The following RNF17 variants were observed in gnomAD, a reference collection of about 807,000 sequenced individuals.
RNF17 encodes ring finger protein 17.
RNF17 carries 31 observed loss-of-function variants against 200.5 expected under a neutral mutation model. The ratio of observed to expected loss-of-function variants is 0.15; its 90% CI spans 0.12 to 0.21. The LOEUF (loss-of-function observed/expected upper bound fraction) is 0.21. RNF17 is among the 10% of genes least tolerant of loss of function. The probability of loss-of-function intolerance (pLI) is 1.00; values close to 1 mark genes in which losing one functional copy is unlikely to be tolerated. For synonymous variants in RNF17, 606 were observed against 637.8 expected, an observed-to-expected ratio of 0.95 and a Z score of 0.75; for missense variants, 1,628 against 1,905.1, an observed-to-expected ratio of 0.85 and a Z score of 2.71.
At chr13:24,845,323 C>T (rs1358976087) in intron 22 of RNF17, among the ~76,000 whole-genome samples, 1 of 152,046 alleles carries the variant, frequency 6.6e-6, no homozygotes, top group East Asian at 1.9e-4. Context: ...CTTTGAGGAA[C>T]AACAAACACA....
At chr13:24,820,315 T>TTTCA (rs1282914530) in intron 15 of RNF17, among the ~76,000 whole-genome samples, 1 of 152,032 alleles carries the variant, frequency 6.6e-6, no homozygotes, top group East Asian at 1.9e-4. Context: ...AGAGATGGGG[T>TTTCA]TTCACCATGT....
At chr13:24,818,732 G>A (rs1285826243) in intron 15 of RNF17, among the ~76,000 whole-genome samples, 2 of 152,056 alleles carry the variant, frequency 1.3e-5, no homozygotes, top group Non-Finnish European at 2.9e-5. Context: ...TTTGCATGGA[G>A]TATTTTCTTC....
intron 33 of RNF17, among the ~76,000 whole-genome samples, chr13:24,875,050 A>G (rs1290108233): frequency 1.3e-5 from 2 of 152,220 alleles, no homozygotes; most frequent in Non-Finnish European, 2.9e-5. Flanking sequence ...TATTCCTTAT[A>G]TATATGAGGG....
chr13:24,767,184 A>G lies in RNF17; in HGVS notation c.131-88A>G, dbSNP rs1879819070. ...GTGGAGGCTGCAGTGAGCTGGTGCC[A>G]CTACACTCCAGCTTGGGCAACAGAG... On this transcript the variant is annotated intron_variant, in intron 1 of 35. Transcript: ENST00000255324. 9 of 845,336 alleles carry G rather than the reference A, an allele frequency of 1.1e-5. No homozygotes were observed. The South Asian group carries it at 1.1e-4, about 11-fold the overall frequency. 52.4% of individuals were successfully genotyped at this position (845,336 alleles called of 1,614,324 possible).
Position 24,787,898 on chromosome 13 carries a change from A to G in RNF17, c.612-90A>G, listed in dbSNP as rs896156694. The stretch of plus-strand genomic sequence containing the variant: ...CCATATTATGTAAAATTCATCAACT[A>G]CTGAACTTACTCTTCAAGATACTAT... On this transcript the variant is annotated intron_variant, in intron 6 of 35. Transcript: ENST00000255324. The G allele has an allele frequency of 4.7e-5, 46 of 985,572 alleles. No homozygotes were observed. In the East Asian group the frequency reaches 1.1e-3, roughly 23 times the overall value. 61.1% of individuals were successfully genotyped at this position (985,572 alleles called of 1,614,324 possible).
the RNF17 span, chr13:24,885,505 A>ACT: frequency 2.7e-4 from 323 of 1,182,280 alleles, 2 homozygotes; most frequent in East Asian, 7.2e-3. Context: ...TTAAGTAAAA[A>ACT]CTCTTTTTTA....
At chr13:24,784,987 G>A (rs769750268) in intron 6 of RNF17, among the ~76,000 whole-genome samples, 4 of 152,174 alleles carry the variant, frequency 2.6e-5, no homozygotes, top group Admixed American at 1.3e-4. Flanking sequence ...GATTACAGGT[G>A]TGAGCCATCA....
In RNF17 at chr13:24,772,606, C is replaced by T. The variant is rs537471476; in HGVS notation, c.226-2207C>T. On this transcript the variant is annotated intron_variant, in intron 2 of 35. Transcript: ENST00000255324. ...AGTGGGCAAAGGACATGAACAGACA[C>T]TTCTTTTTTTTTTTTTCTTTTGAGA... is the stretch of plus-strand genomic sequence containing the variant. Among the ~76,000 whole-genome samples the T allele has an allele frequency of 2.5e-3, 379 of 151,372 alleles. 7 individuals carry two copies. Among genetic ancestry groups the T allele is most frequent in the African/African-American group, 8.8e-3 (365 of 41,300 alleles).
At chr13:24,773,427 T>C (rs1218330172) in intron 2 of RNF17, among the ~76,000 whole-genome samples, 1 of 152,204 alleles carries the variant, frequency 6.6e-6, no homozygotes, top group African/African-American at 2.4e-5. Flanking sequence ...CTGAAGGCCA[T>C]TATCCTAAGC....
At chr13:24,885,531 C>T in the RNF17 span, 43 of 1,278,730 alleles carry the variant, frequency 3.4e-5, no homozygotes, top group African/African-American at 3.2e-4. Flanking sequence ...GGTTTAGAAA[C>T]GTTAAGTCTA....
In RNF17 at chr13:24,825,685, G is replaced by A; in HGVS notation, c.2158G>A (p.Glu720Lys). ...IEEFYKSEDG[E>K]NLEILCPVQD... The stretch of plus-strand genomic sequence containing the variant: ...GGAATTCTATAAAAGTGAAGATGGA[G>A]AAAATCTGGAAATCCTCTGTCCAGT... The change falls in exon 16 of 36, where the codon GAA (glutamate) becomes AAA (lysine). Residue 720 changes from glutamate to lysine, a missense_variant. Glu to Lys is a moderately conservative substitution (Grantham distance 56, BLOSUM62 1). Coordinates refer to ENST00000255324, the MANE Select transcript of RNF17 (RefSeq NM_031277.3). The A allele has an allele frequency of 6.2e-7, 1 of 1,611,818 alleles. No homozygotes were observed. The highest frequency in any genetic ancestry group is 8.5e-7 in the Non-Finnish European group (1 of 1,178,028).
intron 15 of RNF17, among the ~76,000 whole-genome samples, chr13:24,818,119 T>A (rs1264709181): frequency 2.6e-5 from 4 of 152,064 alleles, no homozygotes; most frequent in African/African-American, 7.2e-5. Flanking sequence ...TTTTCTAATT[T>A]CTCTTAGGAT....
Position 24,802,403 on chromosome 13 carries a change from C to T in RNF17, c.1781C>T (p.Ala594Val). Residue 594 changes from alanine (A) to valine (V), a missense_variant, in exon 14 of 36, where the codon GCT (alanine) becomes GTT (valine). This residue lies in a region of RNF17 where 289 missense variants were observed against 384.9 expected (regional missense o/e 0.75). Transcript: ENST00000255324. Reference protein sequence around the residue: ...QNSNEGWEEEAKVEFLKMVNN... With the variant: ...QNSNEGWEEEVKVEFLKMVNN... The stretch of plus-strand genomic sequence containing the variant: ...CAGAATGAAGGCTGGGAAGAGGAAG[C>T]TAAAGTGGAATTTTTGAAAATGGTA... The T allele has an allele frequency of 6.2e-7, 1 of 1,612,600 alleles. No individual in the cohort carries two copies. Among genetic ancestry groups the T allele is most frequent in the East Asian group, 2.2e-5 (1 of 44,850 alleles).
Position 24,844,773 on chromosome 13 carries a change from A to G in RNF17, c.2953A>G (p.Ile985Val). The G allele has an allele frequency of 1.9e-6, 3 of 1,613,926 alleles. No individual in the cohort carries two copies. The highest frequency in any genetic ancestry group is 1.7e-5 in the Admixed American group (1 of 60,000). Residue 985 changes from isoleucine (I) to valine (V), a missense_variant, in exon 21 of 36, where the codon ATC becomes GTC. Around this residue, in one of 5 missense-constraint regions of RNF17, gnomAD observed 227 missense variants for 319.8 expected, o/e 0.71. Transcript: ENST00000255324. The stretch of plus-strand genomic sequence containing the variant: ...AAATCAGTGGCGAAGAGGCCAGATC[A>G]TCAGAATGGTTACAGACACATTGGT... ...DKNQWRRGQI[I>V]RMVTDTLVEV... is the part of the protein sequence containing the mutation.
the RNF17 span, among the ~76,000 whole-genome samples, chr13:24,756,280 A>G: frequency 6.6e-6 from 1 of 152,212 alleles, no homozygotes; most frequent in Non-Finnish European, 1.5e-5. Context: ...TAATATATGA[A>G]TATATAAAAC....
In RNF17 at chr13:24,853,999, A is replaced by C; in HGVS notation, c.3465A>C (p.Lys1155Asn). ...KKTADIISEQKVSEFQEKILE... is the reference protein window; with the variant it reads ...KKTADIISEQNVSEFQEKILE... ...CTGCTGACATAATCAGTGAACAGAA[A>C]GTGTCTGAATTTCAGGAGAAAATTC... Residue 1155 changes from lysine (K) to asparagine (N), a missense_variant, in exon 25 of 36, where the codon AAA becomes AAC. Lys to Asn is a moderately conservative substitution (Grantham distance 94). Coordinates refer to ENST00000255324, the MANE Select transcript of RNF17 (RefSeq NM_031277.3). 1 of 1,614,206 alleles carries C rather than the reference A, an allele frequency of 6.2e-7. No homozygotes were observed. The highest frequency in any genetic ancestry group is 8.5e-7 in the Non-Finnish European group (1 of 1,180,028).
chr13:24,748,844 G>A, the RNF17 span, among the ~76,000 whole-genome samples: 4 of 151,994 alleles, frequency 2.6e-5, no homozygotes, highest in Admixed American at 2.6e-4. Flanking sequence ...CCGCCTCCCG[G>A]GTCCAAGCGA....
At chr13:24,865,974 A>G (rs541056241) in intron 29 of RNF17, among the ~76,000 whole-genome samples, 170 bp from the exon 30 acceptor site, 2 of 152,332 alleles carry the variant, frequency 1.3e-5, no homozygotes, top group South Asian at 4.1e-4. Flanking sequence ...CTTATTGTTG[A>G]AAACTTATGG....
At chr13:24,827,763 TAA>T (rs1005151743) in intron 16 of RNF17, among the ~76,000 whole-genome samples, 2 of 136,932 alleles carry the variant, frequency 1.5e-5, no homozygotes, top group African/African-American at 5.4e-5. Flanking sequence ...TTCTAGAGTC[TAA>T]AAAAGTCCAA....
Sources: allele counts gnomAD v4.1 joint callset (sites outside exome capture counted in the v4.1 genomes callset), GRCh38; gene constraint gnomAD v4.1.1; regional missense constraint gnomAD v4.1.1; transcripts MANE v1.5; gene names NCBI Gene and HGNC (gene_info 2026-07-23, HGNC 2026-07-21).